ZFPM2: variants seen among roughly 807,000 people sequenced by gnomAD.
ZFPM2 encodes the protein zinc finger protein ZFPM2.
A neutral mutation model predicts 98.6 loss-of-function variants in ZFPM2; 20 were observed. That is an observed-to-expected ratio of 0.20 (90% CI 0.14 to 0.29). The LOEUF is 0.29. Among genes scored for constraint, ZFPM2 ranks in the 10% least tolerant of loss-of-function variants. The pLI, the probability that ZFPM2 is intolerant of heterozygous loss-of-function variation, is 1.00. For synonymous variants in ZFPM2, 518 were observed against 502.7 expected, an observed-to-expected ratio of 1.03 and a Z score of -0.41; for missense variants, 1,310 against 1,388.6, an observed-to-expected ratio of 0.94 and a Z score of 0.90.
intron 5 of ZFPM2, among the ~76,000 whole-genome samples, chr8:105,738,250 T>G (rs1812129479): frequency 6.6e-6 from 1 of 152,088 alleles, no homozygotes; most frequent in African/African-American, 2.4e-5. Flanking sequence ...TTGCTCCTAC[T>G]TATAAGTGAG....
intron 3 of ZFPM2, among the ~76,000 whole-genome samples, chr8:105,553,690 G>A (rs1489123911): frequency 6.6e-6 from 1 of 152,130 alleles, no homozygotes; most frequent in Non-Finnish European, 1.5e-5. Flanking sequence ...CACTTACCTA[G>A]GGTGAGCATT....
chr8:105,703,525 A>G (rs1488779672), intron 5 of ZFPM2, among the ~76,000 whole-genome samples: 1 of 152,074 alleles, frequency 6.6e-6, no homozygotes, highest in Non-Finnish European at 1.5e-5. Flanking sequence ...GTTTTTTTTA[A>G]TAAGGTCTTG....
intron 2 of ZFPM2, among the ~76,000 whole-genome samples, chr8:105,419,669 G>A (rs1330588310): frequency 1.3e-5 from 2 of 152,078 alleles, no homozygotes; most frequent in South Asian, 4.1e-4. Context: ...TTAAATATTA[G>A]CACTGAATGA....
At chr8:105,536,008 TC>T (rs1251530176) in intron 3 of ZFPM2, among the ~76,000 whole-genome samples, 4 of 152,184 alleles carry the variant, frequency 2.6e-5, no homozygotes, top group Admixed American at 2.6e-4. Context: ...TTGACAGAGA[TC>T]TTTGAGTTCC....
At chr8:105,512,110 A>G (rs1292560245) in intron 3 of ZFPM2, among the ~76,000 whole-genome samples, 1 of 152,186 alleles carries the variant, frequency 6.6e-6, no homozygotes, top group Admixed American at 6.5e-5. Flanking sequence ...ATCCCACTGC[A>G]CTCCAACCTG....
intron 3 of ZFPM2, among the ~76,000 whole-genome samples, chr8:105,524,902 T>C (rs1221686533): frequency 2.0e-5 from 3 of 152,110 alleles, no homozygotes; most frequent in Non-Finnish European, 4.4e-5. Flanking sequence ...CACCAGGAGA[T>C]AATGGTCGAG....
chr8:105,349,421 C>G (rs563827860), intron 1 of ZFPM2, among the ~76,000 whole-genome samples: 19 of 152,228 alleles, frequency 1.2e-4, no homozygotes, highest in African/African-American at 4.1e-4. Context: ...CCCATCTGCT[C>G]TTAGGTATCC....
intron 5 of ZFPM2, chr8:105,678,642 T>C (rs1332318671): frequency 1.3e-5 from 2 of 152,204 alleles, no homozygotes; most frequent in Non-Finnish European, 2.9e-5. Flanking sequence ...AAAATTGCTA[T>C]ATGGTAATTT....
chr8:105,724,725 T>A (rs1811764157), intron 5 of ZFPM2, among the ~76,000 whole-genome samples: 1 of 151,864 alleles, frequency 6.6e-6, no homozygotes, highest in Non-Finnish European at 1.5e-5. Context: ...ACTTTTTCTG[T>A]TTGTGTTTGA....
intron 3 of ZFPM2, among the ~76,000 whole-genome samples, chr8:105,542,361 C>T (rs1464074827): frequency 2.0e-5 from 3 of 151,946 alleles, no homozygotes; most frequent in Non-Finnish European, 2.9e-5. Flanking sequence ...TTATCTATAG[C>T]GAGATGTGTT....
chr8:105,491,270 A>G (rs541176896), intron 3 of ZFPM2, among the ~76,000 whole-genome samples: 1 of 152,262 alleles, frequency 6.6e-6, no homozygotes, highest in African/African-American at 2.4e-5. Context: ...GCATCCTTTC[A>G]TAGTGAGAAG....
intron 3 of ZFPM2, among the ~76,000 whole-genome samples, chr8:105,458,991 C>T (rs1053856302): frequency 6.6e-6 from 1 of 152,158 alleles, no homozygotes; most frequent in African/African-American, 2.4e-5. Context: ...ACATTATTCT[C>T]ACCAATTCTA....
intron 5 of ZFPM2, among the ~76,000 whole-genome samples, chr8:105,781,149 C>T (rs968965741): frequency 1.2e-4 from 19 of 152,170 alleles, no homozygotes; most frequent in Admixed American, 1.1e-3. Flanking sequence ...TTTGATGGCT[C>T]TTGGGTAGGG....
At chr8:105,441,031 T>A (rs1308018417) in intron 2 of ZFPM2, among the ~76,000 whole-genome samples, 2 of 151,884 alleles carry the variant, frequency 1.3e-5, no homozygotes, top group Non-Finnish European at 2.9e-5. Flanking sequence ...GGCGCCTGCC[T>A]GTAATCCCAG....
intron 5 of ZFPM2, chr8:105,785,342 C>CACAT (rs1813383794): frequency 6.8e-6 from 1 of 146,586 alleles, no homozygotes; most frequent in African/African-American, 2.8e-5. Flanking sequence ...CACACGCACA[C>CACAT]GCACACTTGG....
chr8:105,740,365 A>G (rs1349060947), intron 5 of ZFPM2, among the ~76,000 whole-genome samples: 1 of 151,894 alleles, frequency 6.6e-6, no homozygotes, highest in Non-Finnish European at 1.5e-5. Flanking sequence ...AATGTGAAGA[A>G]TGAAGTGATA....
At chr8:105,795,077 C>T (rs867738287) in intron 6 of ZFPM2, among the ~76,000 whole-genome samples, 3 of 152,174 alleles carry the variant, frequency 2.0e-5, no homozygotes, top group Non-Finnish European at 2.9e-5. Flanking sequence ...ATGCACGGTG[C>T]GCTGCACCCA....
intron 5 of ZFPM2, among the ~76,000 whole-genome samples, chr8:105,757,107 T>C (rs1812618884): frequency 6.6e-6 from 1 of 152,150 alleles, no homozygotes; most frequent in African/African-American, 2.4e-5. Context: ...CATAATAAAA[T>C]GAAAGCTGTG....
At chr8:105,767,454 G>A (rs1812879345) in intron 5 of ZFPM2, among the ~76,000 whole-genome samples, 1 of 151,780 alleles carries the variant, frequency 6.6e-6, no homozygotes, top group Non-Finnish European at 1.5e-5. Context: ...ACTGGTATCA[G>A]GTAAGGATAA....
Sources: gnomAD v4.1 joint callset for allele counts (sites outside exome capture counted in the v4.1 genomes callset) on GRCh38, gnomAD v4.1.1 for gene constraint, MANE v1.5 for transcripts, NCBI Gene and HGNC (gene_info 2026-07-23, HGNC 2026-07-21) for gene names.